The following FRMD4A variants were observed in gnomAD, a reference collection of about 807,000 sequenced individuals.
FRMD4A encodes the protein FERM domain containing 4A.
A neutral mutation model predicts 129.1 loss-of-function variants in FRMD4A; 29 were observed. The observed-to-expected ratio is 0.22, with a 90% CI of 0.17 to 0.31. The LOEUF is 0.31. FRMD4A is among the 10% of genes least tolerant of loss of function. The pLI, the probability that FRMD4A is intolerant of heterozygous loss-of-function variation, is 1.00. For synonymous variants in FRMD4A, 634 were observed against 571.6 expected (o/e 1.11, Z -1.56); for missense variants, 1,272 against 1,375.8 (o/e 0.92, Z 1.19).
At chr10:13,801,177 G>A (rs1387411924) in intron 4 of FRMD4A, among the ~76,000 whole-genome samples, 1 of 152,180 alleles carries the variant, frequency 6.6e-6, no homozygotes, top group East Asian at 1.9e-4. Flanking sequence ...AACCTGGAAG[G>A]CAGAGGTTGC....
At chr10:14,050,060 T>C (rs1301704704) in intron 2 of FRMD4A, among the ~76,000 whole-genome samples, 1 of 152,212 alleles carries the variant, frequency 6.6e-6, no homozygotes, top group African/African-American at 2.4e-5. Context: ...CACTGCATGA[T>C]GTTAGGCAGT....
At chr10:13,949,922 T>C (rs966072118) in intron 2 of FRMD4A, among the ~76,000 whole-genome samples, 1 of 152,246 alleles carries the variant, frequency 6.6e-6, no homozygotes, top group Non-Finnish European at 1.5e-5. Context: ...TGGGTTTTTC[T>C]CTTTGGAATG....
At chr10:14,119,286 C>A (rs1377083345) in intron 2 of FRMD4A, among the ~76,000 whole-genome samples, 1 of 152,112 alleles carries the variant, frequency 6.6e-6, no homozygotes. Context: ...TGAAGAGGTG[C>A]AAAGTGAGCG....
intron 12 of FRMD4A, among the ~76,000 whole-genome samples, chr10:13,733,847 G>A (rs1047267382): frequency 2.0e-5 from 3 of 152,178 alleles, no homozygotes; most frequent in African/African-American, 4.8e-5. Context: ...CGTGATCGTC[G>A]TGATTGGGAA....
chr10:13,719,364 A>G (rs1269820438), intron 12 of FRMD4A, among the ~76,000 whole-genome samples: 1 of 152,056 alleles, frequency 6.6e-6, no homozygotes, highest in Non-Finnish European at 1.5e-5. Context: ...CATGGTCTCA[A>G]ACTGGAAGCC....
intron 2 of FRMD4A, among the ~76,000 whole-genome samples, chr10:14,304,323 A>G (rs963375943): frequency 1.3e-5 from 2 of 152,150 alleles, no homozygotes; most frequent in African/African-American, 4.8e-5. Flanking sequence ...TCGTGTTATC[A>G]TTGCCATCCT....
chr10:14,195,642 A>G (rs1842451545), intron 2 of FRMD4A, among the ~76,000 whole-genome samples: 1 of 152,232 alleles, frequency 6.6e-6, no homozygotes, highest in East Asian at 1.9e-4. Flanking sequence ...TGCAGGGGGA[A>G]TCAAGCTGGG....
At chr10:14,220,688 A>T (rs1364332103) in intron 2 of FRMD4A, among the ~76,000 whole-genome samples, 1 of 152,160 alleles carries the variant, frequency 6.6e-6, no homozygotes, top group Non-Finnish European at 1.5e-5. Context: ...CAGAGACCAG[A>T]GTCATTCAAT....
intron 2 of FRMD4A, among the ~76,000 whole-genome samples, chr10:14,275,223 G>T (rs1845296745): frequency 6.6e-6 from 1 of 152,204 alleles, no homozygotes; most frequent in Non-Finnish European, 1.5e-5. Flanking sequence ...AGGACTTATA[G>T]TCAAGTCATA....
chr10:14,014,501 A>T (rs1405338007), intron 2 of FRMD4A, among the ~76,000 whole-genome samples: 1 of 152,162 alleles, frequency 6.6e-6, no homozygotes, highest in African/African-American at 2.4e-5. Flanking sequence ...TCTCCATCCC[A>T]TTACCTCCCC....
intron 12 of FRMD4A, among the ~76,000 whole-genome samples, chr10:13,731,478 G>A (rs540634364): frequency 6.6e-5 from 10 of 152,110 alleles, no homozygotes; most frequent in South Asian, 2.1e-4. Flanking sequence ...GTGAAACCCC[G>A]TCTCTACTAA....
chr10:14,201,163 T>G (rs1483746594), intron 2 of FRMD4A, among the ~76,000 whole-genome samples: 1 of 152,194 alleles, frequency 6.6e-6, no homozygotes, highest in Non-Finnish European at 1.5e-5. Context: ...AGGTCTGAGT[T>G]GCAGCTCACG....
At chr10:14,264,284 A>G (rs1040106413) in intron 2 of FRMD4A, among the ~76,000 whole-genome samples, 2 of 152,194 alleles carry the variant, frequency 1.3e-5, no homozygotes, top group Admixed American at 6.5e-5. Flanking sequence ...TTTCTGTTTT[A>G]TCTTTTATCC....
chr10:13,857,298 C>G (rs1022290053), intron 3 of FRMD4A, among the ~76,000 whole-genome samples: 1 of 151,908 alleles, frequency 6.6e-6, no homozygotes, highest in Non-Finnish European at 1.5e-5. Flanking sequence ...AGGAGAATGA[C>G]AATTTACAGT....
Position 14,214,194 on chromosome 10 carries a change from T to G in FRMD4A, c.45+115864A>C, listed in dbSNP as rs530606615. Reference sequence around the variant, plus strand: ...GCTTTTCTTCATAGCAGTCTGGAAATGGACTCATACAGGTGGTCCTCAGAG... The same window carrying G: ...GCTTTTCTTCATAGCAGTCTGGAAAGGGACTCATACAGGTGGTCCTCAGAG... On this transcript the variant is annotated intron_variant, in intron 2 of 24. Transcript: ENST00000357447. Among the ~76,000 whole-genome samples, 14 of 152,330 alleles carry G rather than the reference T, an allele frequency of 9.2e-5. 1 individual carries two copies. The highest frequency in any genetic ancestry group is 2.1e-4 in the South Asian group (1 of 4,822).
chr10:13,871,730 T>C (rs1017694614), intron 2 of FRMD4A, among the ~76,000 whole-genome samples: 4 of 152,324 alleles, frequency 2.6e-5, no homozygotes, highest in Admixed American at 6.5e-5. Flanking sequence ...TGTTAGATCC[T>C]CTTGCATCTC....
intron 2 of FRMD4A, among the ~76,000 whole-genome samples, chr10:14,002,151 C>T (rs1207465994): frequency 6.6e-6 from 1 of 152,158 alleles, no homozygotes; most frequent in Non-Finnish European, 1.5e-5. Context: ...AATATCCCAC[C>T]ATTTCAGTCT....
chr10:14,066,307 G>A (rs2131709020), intron 2 of FRMD4A, among the ~76,000 whole-genome samples: 1 of 151,712 alleles, frequency 6.6e-6, no homozygotes, highest in Non-Finnish European at 1.5e-5. Context: ...CTTCCTCTTG[G>A]TGGGGGGTGT....
At chr10:13,978,959 T>A (rs1368606609) in intron 2 of FRMD4A, among the ~76,000 whole-genome samples, 2 of 152,068 alleles carry the variant, frequency 1.3e-5, no homozygotes, top group East Asian at 3.9e-4. Flanking sequence ...AAAAGTGATG[T>A]CATCTATCAA....
Sources: allele counts gnomAD v4.1 joint callset (sites outside exome capture counted in the v4.1 genomes callset), GRCh38; gene constraint gnomAD v4.1.1; transcripts MANE v1.5; gene names NCBI Gene and HGNC (gene_info 2026-07-23, HGNC 2026-07-21).